Variants in APOLD1 observed in about 807,000 individuals in gnomAD.
APOLD1 encodes apolipoprotein L domain containing 1.
A neutral mutation model predicts 15.3 loss-of-function variants in APOLD1; 22 were observed. The observed-to-expected ratio is 1.44, with a 90% CI of 1.03 to 2.05. The LOEUF (loss-of-function observed/expected upper bound fraction) is 2.05. Among genes scored for constraint, APOLD1 ranks in the 30% most tolerant of loss-of-function variants. The pLI, the probability that APOLD1 is intolerant of heterozygous loss-of-function variation, is 0.00. For missense variants in APOLD1, 394 were observed against 353.5 expected (o/e 1.11, Z -0.92); for synonymous variants, 190 against 167.4 (o/e 1.13, Z -1.04).
chr12:12,786,847 C>T, intron 1 of APOLD1, 62 bp from the exon 2 acceptor site: 1 of 1,351,044 alleles, frequency 7.4e-7, no homozygotes, highest in Non-Finnish European at 9.5e-7. Context: ...GTCCGGGCAG[C>T]AGGGCGGGAG....
Position 12,787,352 on chromosome 12 carries a change from C to A in APOLD1, c.447C>A (p.Asp149Glu), listed in dbSNP as rs749932785. 1 of 1,614,006 alleles carries A rather than the reference C, an allele frequency of 6.2e-7. No homozygotes were observed. The highest frequency in any genetic ancestry group is 1.1e-5 in the South Asian group (1 of 91,086). ...EFFCRWQGCG[D>E]RQLLQCGRNA... ...TCTGCCGCTGGCAGGGCTGCGGGGACCGCCAGCTGCTGCAGTGCGGGAGGA... is the reference window on the plus strand; with the variant it reads ...TCTGCCGCTGGCAGGGCTGCGGGGAACGCCAGCTGCTGCAGTGCGGGAGGA... Residue 149 changes from aspartate (D) to glutamate (E), a missense_variant, in exon 2 of 2, where the codon GAC becomes GAA. By Grantham distance (45) the Asp-to-Glu change is conservative. Coordinates refer to ENST00000356591, the MANE Select transcript of APOLD1 (RefSeq NM_030817.3). The surrounding 1 kb of genome is among the most constrained non-coding windows in gnomAD (Gnocchi z 4.9).
rs569342024 is a variant in APOLD1, at chr12:12,780,275, G to A, written c.97-6634G>A. Among the ~76,000 whole-genome samples the A allele has an allele frequency of 1.0e-3, 154 of 150,300 alleles. 1 individual carries two copies. The highest frequency in any genetic ancestry group is 1.8e-3 in the Non-Finnish European group (121 of 67,652). On this transcript the variant is annotated intron_variant, in intron 1 of 1. Coordinates refer to the APOLD1 transcript ENST00000326765. Reference sequence around the variant, plus strand: ...TTTTTTTTTTTTTGAGACAATGTCTGGCTCTATTGCCCAGGCTGGAGTGCA... The same window carrying A: ...TTTTTTTTTTTTTGAGACAATGTCTAGCTCTATTGCCCAGGCTGGAGTGCA...
intron 1 of APOLD1, among the ~76,000 whole-genome samples, chr12:12,767,813 T>A (rs1804314784): frequency 6.6e-6 from 1 of 151,568 alleles, no homozygotes; most frequent in African/African-American, 2.4e-5. Context: ...TTTGACGGAG[T>A]CTCACTCTGT....
At chr12:12,780,894 A>G (rs1947074871), upstream of APOLD1, among the ~76,000 whole-genome samples, 1 of 150,514 alleles carries the variant, frequency 6.6e-6, no homozygotes, top group Non-Finnish European at 1.5e-5. Flanking sequence ...TGAATTTTAT[A>G]TTTTTGATGT....
At chr12:12,738,230 A>G (rs1268038505) in intron 1 of APOLD1, among the ~76,000 whole-genome samples, 1 of 137,826 alleles carries the variant, frequency 7.3e-6, no homozygotes, top group East Asian at 2.1e-4. Context: ...TTTAAGACAC[A>G]TGGAGTCTTG....
intron 1 of APOLD1, among the ~76,000 whole-genome samples, chr12:12,751,322 A>G (rs952924174): frequency 6.6e-6 from 1 of 152,108 alleles, no homozygotes; most frequent in African/African-American, 2.4e-5. Context: ...TCTTAAGAGA[A>G]AAAACATCGA....
At chr12:12,785,801 A>G (rs1056652528) in intron 1 of APOLD1, 107 bp downstream of exon 1, 1 of 1,114,522 alleles carries the variant, frequency 9.0e-7, no homozygotes, top group African/African-American at 1.5e-5. Flanking sequence ...CATGGAAGTA[A>G]AATTAAGTCC....
chr12:12,755,939 C>T (rs1167560534), intron 1 of APOLD1, among the ~76,000 whole-genome samples: 1 of 152,208 alleles, frequency 6.6e-6, no homozygotes, highest in Non-Finnish European at 1.5e-5. Flanking sequence ...TTCAGACTTG[C>T]TCCTGGCACA....
chr12:12,755,175 A>G (rs971322709), intron 1 of APOLD1, among the ~76,000 whole-genome samples: 1 of 152,226 alleles, frequency 6.6e-6, no homozygotes, highest in African/African-American at 2.4e-5. Flanking sequence ...CTTTATTTGT[A>G]TAAAATCAAC....
chr12:12,777,923 T>TTTTTTTGTTGTTG (rs1555092183), intron 1 of APOLD1, among the ~76,000 whole-genome samples: 1 of 121,574 alleles, frequency 8.2e-6, no homozygotes, highest in African/African-American at 3.3e-5. Context: ...TTTTTTTTTT[T>TTTTTTTGTTGTTG]TTGTTGTTGT....
chr12:12,726,363 T>C, intron 1 of APOLD1: 1 of 555,806 alleles, frequency 1.8e-6, no homozygotes. Context: ...TGAAGTGCCT[T>C]TGATTTCTGG....
intron 1 of APOLD1, among the ~76,000 whole-genome samples, chr12:12,780,222 G>A (rs1592308736): frequency 6.7e-6 from 1 of 150,246 alleles, no homozygotes. Flanking sequence ...AAATCCTCAG[G>A]TGAATATGTG....
chr12:12,748,158 A>G (rs1237784866), intron 1 of APOLD1, among the ~76,000 whole-genome samples: 1 of 152,206 alleles, frequency 6.6e-6, no homozygotes, highest in Non-Finnish European at 1.5e-5. Context: ...ATCCTTTTAG[A>G]TATTAAGAGA....
At chr12:12,780,156 T>C (rs537515130) in intron 1 of APOLD1, among the ~76,000 whole-genome samples, 8 of 152,282 alleles carry the variant, frequency 5.3e-5, no homozygotes, top group Non-Finnish European at 1.2e-4. Flanking sequence ...CTATGAGAGC[T>C]TGACTATGTT....
intron 1 of APOLD1, among the ~76,000 whole-genome samples, chr12:12,762,851 T>G (rs1946911796): frequency 6.6e-6 from 1 of 152,070 alleles, no homozygotes. Flanking sequence ...ATTTTTGGTT[T>G]TGAAATCAAT....
chr12:12,755,012 C>G (rs1398880087), intron 1 of APOLD1, among the ~76,000 whole-genome samples: 2 of 151,876 alleles, frequency 1.3e-5, no homozygotes, highest in Non-Finnish European at 2.9e-5. Flanking sequence ...AGCCACTGCA[C>G]TCCAGTCTGG....
At chr12:12,730,075 T>A (rs12579040) in intron 1 of APOLD1, among the ~76,000 whole-genome samples, 2,868 of 45,752 alleles carry the variant, frequency 0.063, 29 homozygotes, top group East Asian at 0.17. Flanking sequence ...TGTGTGTGTG[T>A]GTGAGAGAGA....
At chr12:12,768,718 C>G (rs1455842290) in intron 1 of APOLD1, among the ~76,000 whole-genome samples, 2 of 151,242 alleles carry the variant, frequency 1.3e-5, no homozygotes, top group Non-Finnish European at 2.9e-5. Context: ...AAGTCACACA[C>G]AAACCACAGA....
chr12:12,778,108 T>G (rs948245509), intron 1 of APOLD1, among the ~76,000 whole-genome samples: 1 of 151,452 alleles, frequency 6.6e-6, no homozygotes, highest in Non-Finnish European at 1.5e-5. Context: ...TATTTTTTAT[T>G]TTTTTGTGGA....
Sources: allele counts gnomAD v4.1 joint callset (sites outside exome capture counted in the v4.1 genomes callset), GRCh38; gene constraint gnomAD v4.1.1; non-coding constraint Gnocchi (gnomAD v3.1); transcripts MANE v1.5; gene names NCBI Gene and HGNC (gene_info 2026-07-23, HGNC 2026-07-21).